The following PTPN2 variants were observed in gnomAD, a reference collection of about 807,000 sequenced individuals.
PTPN2 encodes protein tyrosine phosphatase non-receptor type 2.
A neutral mutation model predicts 57.3 loss-of-function variants in PTPN2; 19 were observed. The ratio of observed to expected loss-of-function variants is 0.33; its 90% CI spans 0.23 to 0.49. The LOEUF is 0.49. Ranked by LOEUF, PTPN2 falls within the 20% of genes least tolerant of loss-of-function variation. The probability of loss-of-function intolerance (pLI) is 0.99; values close to 1 mark genes in which losing one functional copy is unlikely to be tolerated. For synonymous variants in PTPN2, 153 were observed against 164.9 expected (o/e 0.93, Z 0.55); for missense variants, 358 against 501.1 (o/e 0.71, Z 2.73).
At chr18:12,818,984 C>T (rs2042175689) in intron 5 of PTPN2, 1 of 244,672 alleles carries the variant, frequency 4.1e-6, no homozygotes, top group East Asian at 9.2e-5. Flanking sequence ...ATCCCAGCTA[C>T]TTGGGAGGCT....
At chr18:12,808,249 G>A (rs148863328) in intron 7 of PTPN2, among the ~76,000 whole-genome samples, 257 of 151,926 alleles carry the variant, frequency 1.7e-3, no homozygotes, top group African/African-American at 5.5e-3. Flanking sequence ...TGGCTATTTC[G>A]AAATACTTAT....
At chr18:12,829,301 A>C (rs1158948858) in intron 4 of PTPN2, among the ~76,000 whole-genome samples, 1 of 152,086 alleles carries the variant, frequency 6.6e-6, no homozygotes, top group Non-Finnish European at 1.5e-5. Flanking sequence ...GTATCACTTG[A>C]GGTCAGGAAC....
At chr18:12,837,669 A>C (rs2042913807) in intron 2 of PTPN2, among the ~76,000 whole-genome samples, 1 of 152,248 alleles carries the variant, frequency 6.6e-6, no homozygotes, top group Admixed American at 6.5e-5. Context: ...TCACTGAATT[A>C]TAAAACTAAA....
chr18:12,866,954 G>A lies in PTPN2; in HGVS notation c.70-7700C>T, dbSNP rs573835544. Among the ~76,000 whole-genome samples the A allele has an allele frequency of 3.3e-5, 5 of 151,626 alleles. No individual in the cohort carries two copies. In the East Asian group the frequency reaches 7.8e-4, roughly 24 times the overall value. ...CAGAAGGCGGTGGTTGCAGTGAGCCGAGATCGCGCCACTCACTGCATTCCA... is the reference window on the plus strand; with the variant it reads ...CAGAAGGCGGTGGTTGCAGTGAGCCAAGATCGCGCCACTCACTGCATTCCA... On this transcript the variant is annotated intron_variant, in intron 1 of 8. Transcript: ENST00000309660.
chr18:12,804,216 C>T (rs1013753416), intron 7 of PTPN2, among the ~76,000 whole-genome samples: 7 of 133,984 alleles, frequency 5.2e-5, no homozygotes, highest in African/African-American at 2.0e-4. Flanking sequence ...CACTTGAACC[C>T]GGGAGGCGGA....
At position 12,807,568 on chromosome 18, in the gene PTPN2, G is replaced by GAAAAAAA. The variant is rs68088093; in HGVS notation, c.859-5424_859-5418dup. 6.8e-4 allele frequency among the ~76,000 whole-genome samples: 28 copies of GAAAAAAA among 41,194 alleles called. 1 individual carries two copies. In the East Asian group the frequency reaches 6.9e-3, roughly 10 times the overall value. 27.0% of individuals were successfully genotyped at this position (41,194 alleles called of 152,430 possible). Reference sequence around the variant, plus strand: ...TGAATGGAGGGAGAAAGAAAATGTGGAAAAAAAAAAAAAAAAAAATATATA... The same window carrying GAAAAAAA: ...TGAATGGAGGGAGAAAGAAAATGTGGAAAAAAAAAAAAAAAAAAAAAAAAAATATATA... On this transcript the variant is annotated intron_variant, in intron 7 of 8. Coordinates refer to ENST00000309660, the MANE Select transcript of PTPN2 (RefSeq NM_002828.4).
chr18:12,869,056 A>G (rs993111453), intron 1 of PTPN2: 4 of 152,372 alleles, frequency 2.6e-5, no homozygotes, highest in African/African-American at 9.7e-5. Flanking sequence ...AGGCTGAGGC[A>G]GGAGAATCGC....
chr18:12,840,648 T>C, intron 2 of PTPN2: 1 of 1,551,386 alleles, frequency 6.4e-7, no homozygotes, highest in Non-Finnish European at 8.7e-7. Context: ...GGAAGTCAAG[T>C]CATCACAAGT....
In PTPN2 at chr18:12,822,797, G is replaced by A. The variant is rs563721809; in HGVS notation, c.495+3013C>T. 9.9e-5 allele frequency among the ~76,000 whole-genome samples: 15 copies of A among 152,078 alleles called. No homozygotes were observed. In the South Asian group the frequency reaches 1.7e-3, roughly 17 times the overall value. ...GCTAGTATCCTTTTCAACTACTCCC[G>A]GTTCCTGTTGTCCCTTCCAATTCAT... On this transcript the variant is annotated intron_variant, in intron 5 of 8. Coordinates refer to ENST00000309660, the MANE Select transcript of PTPN2 (RefSeq NM_002828.4).
At chr18:12,865,824 C>A (rs1280170989) in intron 1 of PTPN2, among the ~76,000 whole-genome samples, 1 of 150,756 alleles carries the variant, frequency 6.6e-6, no homozygotes, top group Non-Finnish European at 1.5e-5. Flanking sequence ...AAAAAAAAAA[C>A]CAAAAAACAA....
chr18:12,799,059 G>A (rs1280287066), intron 8 of PTPN2, among the ~76,000 whole-genome samples: 1 of 152,168 alleles, frequency 6.6e-6, no homozygotes, highest in Non-Finnish European at 1.5e-5. Context: ...TTTGGAGGAT[G>A]AATATCCTCC....
intron 2 of PTPN2, among the ~76,000 whole-genome samples, chr18:12,838,986 A>C (rs1451453952): frequency 3.3e-5 from 5 of 151,834 alleles, no homozygotes; most frequent in African/African-American, 1.2e-4. Flanking sequence ...AAATTATAAA[A>C]ACAAAAATTG....
Position 12,884,172 on chromosome 18 carries a change from C to T in PTPN2, c.-31G>A, listed in dbSNP as rs1266399798. ...CGGGAGCGAGCTGGCGCGAGCAGAG[C>T]CTGCGCCGGCGGAGAGGCTCAGGCC... On this transcript the variant is annotated 5_prime_UTR_variant, in exon 1 of 9. Transcript: ENST00000309660. 5 of 1,553,720 alleles carry T rather than the reference C, an allele frequency of 3.2e-6. No individual in the cohort carries two copies. In the East Asian group the frequency reaches 7.4e-5, roughly 23 times the overall value.
rs182362736 is a variant in PTPN2, at chr18:12,825,802, G to A, written c.495+8C>T. The A allele has an allele frequency of 6.3e-7, 1 of 1,595,110 alleles. No homozygotes were observed. The highest frequency in any genetic ancestry group is 2.2e-5 in the East Asian group (1 of 44,650). ...AAAGTCCACAATTTCGGGCAAGAAAGGTCTTACATTGATATTTTCTAATTG... is the reference window on the plus strand; with the variant it reads ...AAAGTCCACAATTTCGGGCAAGAAAAGTCTTACATTGATATTTTCTAATTG... On this transcript the variant is annotated splice_region_variant and intron_variant, in intron 5 of 8. Transcript: ENST00000309660.
intron 7 of PTPN2, 55 bp from the exon 8 acceptor site, chr18:12,802,206 T>C (rs2041458202): frequency 1.5e-6 from 2 of 1,307,542 alleles, no homozygotes. Context: ...TTTATTTTCC[T>C]TAAATAAAAA....
chr18:12,877,902 C>T (rs573390617), intron 1 of PTPN2, among the ~76,000 whole-genome samples: 31 of 152,056 alleles, frequency 2.0e-4, no homozygotes, highest in African/African-American at 4.6e-4. Context: ...TGTTGGCGGG[C>T]GCCTGTAGTC....
At chr18:12,790,791 T>G (rs2040963673), downstream of PTPN2, among the ~76,000 whole-genome samples, 2 of 152,232 alleles carry the variant, frequency 1.3e-5, no homozygotes. Context: ...CAAGTGCACA[T>G]TAGCTTACAG....
intron 5 of PTPN2, among the ~76,000 whole-genome samples, chr18:12,822,182 C>T (rs2042293026): frequency 1.1e-5 from 1 of 94,992 alleles, no homozygotes; most frequent in Admixed American, 1.0e-4. Flanking sequence ...AGAGAGAGGA[C>T]ATTCTAGGTA....
intron 7 of PTPN2, among the ~76,000 whole-genome samples, chr18:12,812,123 T>C (rs2041910999): frequency 6.6e-6 from 1 of 152,190 alleles, no homozygotes; most frequent in Non-Finnish European, 1.5e-5. Flanking sequence ...TCATCAATAC[T>C]GGGAATATGC....
Sources: allele counts gnomAD v4.1 joint callset (sites outside exome capture counted in the v4.1 genomes callset), GRCh38; gene constraint gnomAD v4.1.1; transcripts MANE v1.5; gene names NCBI Gene and HGNC (gene_info 2026-07-23, HGNC 2026-07-21).